FAM228B: variants seen among roughly 807,000 people sequenced by gnomAD.
FAM228B encodes protein FAM228B.
A neutral mutation model predicts 42.6 loss-of-function variants in FAM228B; 38 were observed. The ratio of observed to expected loss-of-function variants is 0.89; its 90% CI spans 0.69 to 1.17. The LOEUF (loss-of-function observed/expected upper bound fraction) is 1.17, where lower values mean the gene tolerates loss of function less well. Ranked by LOEUF, FAM228B falls within the 50% of genes most tolerant of loss-of-function variation. FAM228B has a pLI of 0.00. For missense variants in FAM228B, 344 were observed against 367.3 expected, an observed-to-expected ratio of 0.94 and a Z score of 0.52; for synonymous variants, 109 against 122.3, an observed-to-expected ratio of 0.89 and a Z score of 0.72.
intron 3 of FAM228B, among the ~76,000 whole-genome samples, chr2:24,104,751 G>A (rs954005548): frequency 7.9e-5 from 12 of 151,972 alleles, no homozygotes; most frequent in African/African-American, 2.4e-4. Flanking sequence ...CAACTGGTGG[G>A]TGCAGCCTCC....
At chr2:24,087,752 A>T (rs1277282937) in intron 2 of FAM228B, among the ~76,000 whole-genome samples, 1 of 149,760 alleles carries the variant, frequency 6.7e-6, no homozygotes, top group Non-Finnish European at 1.5e-5. Context: ...CTGGGACTAC[A>T]GGTGTGAGCC....
At chr2:24,151,930 A>G (rs550398205) in intron 7 of FAM228B, among the ~76,000 whole-genome samples, 32 of 152,076 alleles carry the variant, frequency 2.1e-4, no homozygotes, top group African/African-American at 7.0e-4. Context: ...GTGCAGTGGC[A>G]TGATCTCAGC....
In FAM228B at chr2:24,080,369, A is replaced by G. The variant is rs1010071713; in HGVS notation, c.-289-507A>G. On this transcript the variant is annotated intron_variant, in intron 1 of 10. Transcript: ENST00000613899. This position sits in a 1 kb window ranked among gnomAD's most constrained non-coding sequence, Gnocchi z 4.7. The stretch of plus-strand genomic sequence containing the variant: ...GACTCCATCTCAAAAAAAAAAAAGA[A>G]AGAGAAACGGAAAGGGATGAGCCAA... Among the ~76,000 whole-genome samples, 3 of 151,996 alleles carry G rather than the reference A, an allele frequency of 2.0e-5. No individual in the cohort carries two copies. Among genetic ancestry groups the G allele is most frequent in the Admixed American group, 2.0e-4 (3 of 15,266 alleles).
At chr2:24,137,641 C>T (rs139516296) in intron 3 of FAM228B, among the ~76,000 whole-genome samples, 306 of 152,200 alleles carry the variant, frequency 2.0e-3, no homozygotes, top group African/African-American at 5.2e-3. Flanking sequence ...TATAGGCAGG[C>T]GCCACCTTGC....
intron 2 of FAM228B, among the ~76,000 whole-genome samples, chr2:24,082,019 G>C (rs571140530): frequency 6.1e-4 from 93 of 152,102 alleles, no homozygotes; most frequent in African/African-American, 2.1e-3. Context: ...CTTTGAGACA[G>C]AGTCTCACTC....
chr2:24,145,632 A>G (rs888131859), intron 5 of FAM228B, among the ~76,000 whole-genome samples: 8 of 152,220 alleles, frequency 5.3e-5, no homozygotes, highest in Admixed American at 1.3e-4. Flanking sequence ...AATGTCATTT[A>G]AAATTTGATC....
chr2:24,154,376 C>G (rs1253423750), intron 7 of FAM228B, among the ~76,000 whole-genome samples: 1 of 152,152 alleles, frequency 6.6e-6, no homozygotes, highest in East Asian at 1.9e-4. Flanking sequence ...GGTGAGGTGT[C>G]TGTTGTTCAG....
At chr2:24,098,636 A>T (rs1333214318) in intron 3 of FAM228B, among the ~76,000 whole-genome samples, 1 of 152,260 alleles carries the variant, frequency 6.6e-6, no homozygotes, top group Non-Finnish European at 1.5e-5. Flanking sequence ...TGAGGCAATA[A>T]TTAATAGCCT....
chr2:24,097,344 A>T (rs967708407), intron 3 of FAM228B: 1 of 151,836 alleles, frequency 6.6e-6, no homozygotes, highest in Non-Finnish European at 1.5e-5. Context: ...TTGGATAAAG[A>T]GTCAAGACCC....
intron 2 of FAM228B, among the ~76,000 whole-genome samples, chr2:24,094,178 T>C (rs1665451097): frequency 6.6e-6 from 1 of 151,950 alleles, no homozygotes; most frequent in South Asian, 2.1e-4. Flanking sequence ...TAACTGGGCC[T>C]TGGCCTCCCG....
intron 1 of FAM228B, chr2:24,079,278 G>A: frequency 1.5e-6 from 1 of 661,138 alleles, no homozygotes; most frequent in Non-Finnish European, 2.6e-6. Flanking sequence ...CAACCAATCT[G>A]AATCAGTTCT....
At chr2:24,083,310 A>G (rs1558361724) in intron 2 of FAM228B, among the ~76,000 whole-genome samples, 2 of 152,176 alleles carry the variant, frequency 1.3e-5, no homozygotes, top group Non-Finnish European at 2.9e-5. Flanking sequence ...AGGAGAGGCC[A>G]TTAGTTTTAT....
intron 7 of FAM228B, 113 bp downstream of exon 7, chr2:24,147,199 T>C: frequency 1.3e-6 from 1 of 769,250 alleles, no homozygotes; most frequent in South Asian, 3.0e-5. Flanking sequence ...TTTCTTTTTT[T>C]TTGAGACAGA....
At chr2:24,120,982 C>A (rs1666096441), upstream of FAM228B, among the ~76,000 whole-genome samples, 2 of 150,086 alleles carry the variant, frequency 1.3e-5, no homozygotes, top group Non-Finnish European at 3.0e-5. Flanking sequence ...TTCTCAAAAC[C>A]AGGCTCTTGA....
intron 2 of FAM228B, among the ~76,000 whole-genome samples, chr2:24,133,035 C>T (rs1046035670): frequency 2.6e-5 from 4 of 152,198 alleles, no homozygotes; most frequent in South Asian, 2.1e-4. Context: ...CACCTTCCAG[C>T]TCCCATGCTT....
intron 5 of FAM228B, among the ~76,000 whole-genome samples, chr2:24,140,480 T>C (rs1439143810): frequency 2.6e-5 from 4 of 152,084 alleles, no homozygotes. Context: ...CCTGGCCTTA[T>C]CTTGTATAAA....
intron 5 of FAM228B, among the ~76,000 whole-genome samples, chr2:24,142,947 T>C (rs1445461421): frequency 6.6e-6 from 1 of 152,182 alleles, no homozygotes; most frequent in East Asian, 1.9e-4. Flanking sequence ...TTCCCCCAAA[T>C]GTTACAAAAT....
At chr2:24,099,687 C>T (rs1665568288) in intron 3 of FAM228B, among the ~76,000 whole-genome samples, 1 of 152,234 alleles carries the variant, frequency 6.6e-6, no homozygotes, top group Middle Eastern at 3.4e-3. Flanking sequence ...AAAATGGCCA[C>T]ACTGCCCAAA....
intron 2 of FAM228B, chr2:24,082,956 C>A (rs1179042517): frequency 6.2e-7 from 1 of 1,614,082 alleles, no homozygotes; most frequent in South Asian, 1.1e-5. Context: ...CAGGGTCAAT[C>A]CCTCTGGGAT....
Sources: allele counts gnomAD v4.1 joint callset (sites outside exome capture counted in the v4.1 genomes callset), GRCh38; gene constraint gnomAD v4.1.1; non-coding constraint Gnocchi (gnomAD v3.1); transcripts MANE v1.5; gene names NCBI Gene and HGNC (gene_info 2026-07-23, HGNC 2026-07-21).